Variants in KLHL14 observed in about 807,000 individuals in gnomAD.
KLHL14 encodes kelch like family member 14.
Under a neutral mutation model 64.3 loss-of-function variants are expected in KLHL14, and 22 were observed. The ratio of observed to expected loss-of-function variants is 0.34; its 90% CI spans 0.24 to 0.49. The LOEUF is 0.49. KLHL14 is among the 20% of genes least tolerant of loss of function. The pLI is 0.99. For missense variants in KLHL14, 661 were observed against 789.0 expected (o/e 0.84, Z 1.94); for synonymous variants, 322 against 333.4 (o/e 0.97, Z 0.37).
At chr18:32,767,974 C>G (rs2050355432) in intron 2 of KLHL14, among the ~76,000 whole-genome samples, 1 of 152,174 alleles carries the variant, frequency 6.6e-6, no homozygotes, top group South Asian at 2.1e-4. Context: ...ATGAAGTATA[C>G]TTGTAGGTCA....
chr18:32,693,965 GT>G (rs976860784), intron 4 of KLHL14, among the ~76,000 whole-genome samples: 76 of 150,090 alleles, frequency 5.1e-4, no homozygotes, highest in African/African-American at 1.9e-3. Flanking sequence ...AGTTACAGGT[GT>G]TTTTTTGTTT....
intron 4 of KLHL14, among the ~76,000 whole-genome samples, chr18:32,693,281 C>T (rs1163452730): frequency 6.6e-6 from 1 of 151,832 alleles, no homozygotes; most frequent in Non-Finnish European, 1.5e-5. Flanking sequence ...CTCCTTTGCC[C>T]AGATCTATAC....
intron 2 of KLHL14, among the ~76,000 whole-genome samples, chr18:32,768,235 T>C (rs2050356939): frequency 6.6e-6 from 1 of 152,206 alleles, no homozygotes; most frequent in African/African-American, 2.4e-5. Flanking sequence ...CTCCCACAGA[T>C]GTTAGAAAAA....
Position 32,770,523 on chromosome 18 carries a change from G to A in KLHL14, c.69C>T (p.Leu23=), listed in dbSNP as rs1407620965. The A allele has an allele frequency of 6.2e-7, 1 of 1,606,304 alleles. No homozygotes were observed. The highest frequency in any genetic ancestry group is 8.5e-7 in the Non-Finnish European group (1 of 1,178,424). ...ACAGCTGCTTCCTCCACAGCAGGTT[G>A]AGGCCGTGCAGCAGGTTGTCGCTGT... ...PSHSDNLLHG[L]NLLWRKQLFC... Residue 23 remains leucine (L), a synonymous_variant, in exon 2 of 9, where the codon CTC becomes CTT. Transcript: ENST00000359358. The surrounding 1 kb of genome is among the most constrained non-coding windows in gnomAD (Gnocchi z 6.7).
In KLHL14 at chr18:32,769,689, G is replaced by GT. The variant is rs1568087228; in HGVS notation, c.902dup (p.His301GlnfsTer20). On this transcript the variant is annotated frameshift_variant, in exon 2 of 9. Transcript: ENST00000359358. LOFTEE classifies it high-confidence loss of function. ...TGCAGTGCTGCCTGAAGGGCATCAG[G>GT]TGGTAGTTCATGGCGTCCAGCAGCA... The GT allele has an allele frequency of 6.4e-7, 1 of 1,565,180 alleles. No individual in the cohort carries two copies. Among genetic ancestry groups the GT allele is most frequent in the Admixed American group, 1.8e-5 (1 of 56,916 alleles).
intron 4 of KLHL14, among the ~76,000 whole-genome samples, chr18:32,693,413 C>CACACACACACACACAGAG (rs1229737083): frequency 6.5e-4 from 63 of 97,032 alleles, no homozygotes; most frequent in African/African-American, 3.0e-3. Context: ...CACACACACA[C>CACACACACACACACAGAG]AGAGAGAGAG....
At chr18:32,715,891 G>C (rs968320856) in intron 3 of KLHL14, among the ~76,000 whole-genome samples, 3 of 152,134 alleles carry the variant, frequency 2.0e-5, no homozygotes, top group Non-Finnish European at 2.9e-5. Flanking sequence ...CCCTTGAGCT[G>C]AGAAGAGCTG....
intron 2 of KLHL14, among the ~76,000 whole-genome samples, chr18:32,748,346 T>TTTTTGTA (rs575684604): frequency 6.8e-6 from 1 of 147,960 alleles, no homozygotes; most frequent in African/African-American, 2.5e-5. Flanking sequence ...GTATTTTGTA[T>TTTTTGTA]TTTTGTATTT....
chr18:32,749,266 A>T (rs1203366180), intron 2 of KLHL14, among the ~76,000 whole-genome samples: 2 of 152,240 alleles, frequency 1.3e-5, no homozygotes, highest in East Asian at 3.8e-4. Flanking sequence ...GTTTTGAAGT[A>T]GCAAAGCGAT....
chr18:32,747,120 G>A (rs1192171889), intron 2 of KLHL14, among the ~76,000 whole-genome samples: 4 of 152,142 alleles, frequency 2.6e-5, no homozygotes, highest in African/African-American at 4.8e-5. Flanking sequence ...GTTAAAAGTT[G>A]TTGTACAGTT....
intron 5 of KLHL14, among the ~76,000 whole-genome samples, chr18:32,686,830 A>G (rs1461908924): frequency 2.6e-5 from 4 of 152,178 alleles, no homozygotes; most frequent in African/African-American, 7.2e-5. Flanking sequence ...TTATATTTCA[A>G]TTTTAGGGTT....
At chr18:32,693,993 G>GTT (rs71177867) in intron 4 of KLHL14, among the ~76,000 whole-genome samples, 25 of 151,690 alleles carry the variant, frequency 1.6e-4, no homozygotes, top group African/African-American at 4.1e-4. Flanking sequence ...GTTTTGTTTT[G>GTT]TTTTTTTGCA....
At chr18:32,713,095 TC>T (rs1279237564) in intron 3 of KLHL14, among the ~76,000 whole-genome samples, 3 of 152,184 alleles carry the variant, frequency 2.0e-5, no homozygotes, top group Non-Finnish European at 2.9e-5. Flanking sequence ...ACATGGCCAC[TC>T]CCAACAGTTT....
intron 3 of KLHL14, among the ~76,000 whole-genome samples, chr18:32,711,436 A>G (rs1409489903): frequency 2.6e-5 from 4 of 152,176 alleles, no homozygotes; most frequent in African/African-American, 9.7e-5. Context: ...ATACAAATCT[A>G]TTCAATGGTA....
intron 2 of KLHL14, among the ~76,000 whole-genome samples, chr18:32,763,478 G>A (rs2050325051): frequency 6.6e-6 from 1 of 152,134 alleles, no homozygotes. Flanking sequence ...TATTTCCCTG[G>A]TGATAAGGAC....
At chr18:32,750,061 C>T (rs2050243682) in intron 2 of KLHL14, among the ~76,000 whole-genome samples, 1 of 151,310 alleles carries the variant, frequency 6.6e-6, no homozygotes. Context: ...GGAGAGCACA[C>T]GTGTGTGCTC....
At chr18:32,700,023 T>C (rs1275328365) in intron 3 of KLHL14, among the ~76,000 whole-genome samples, 1 of 151,926 alleles carries the variant, frequency 6.6e-6, no homozygotes, top group Non-Finnish European at 1.5e-5. Flanking sequence ...GCCTATAAAA[T>C]GTCCAGGGGT....
Position 32,770,484 on chromosome 18 carries a change from G to T in KLHL14, c.108C>A (p.Thr36=). Residue 36 remains threonine (T), a synonymous_variant, in exon 2 of 9, where the codon ACC becomes ACA. Transcript: ENST00000359358. This position sits in a 1 kb window ranked among gnomAD's most constrained non-coding sequence, Gnocchi z 6.7. ...LWRKQLFCDV[T]LTAQGQQFHC... is the part of the protein sequence containing the mutation. ...GGAACTGCTGGCCCTGGGCCGTCAG[G>T]GTCACGTCGCAAAACAGCTGCTTCC... is the stretch of plus-strand genomic sequence containing the variant. 3.7e-6 allele frequency: 6 copies of T among 1,612,252 alleles called. No individual in the cohort carries two copies. The highest frequency in any genetic ancestry group is 5.1e-6 in the Non-Finnish European group (6 of 1,179,892).
chr18:32,714,898 T>C lies in KLHL14; in HGVS notation c.1070-19346A>G, dbSNP rs2050037543. ...AAACTCTGGTGGTCCTTTTTTTTTTTTCTTTTGATGCAGATTACACTGAGT... is the reference window on the plus strand; with the variant it reads ...AAACTCTGGTGGTCCTTTTTTTTTTCTCTTTTGATGCAGATTACACTGAGT... On this transcript the variant is annotated intron_variant, in intron 3 of 8. Coordinates refer to ENST00000359358, the MANE Select transcript of KLHL14 (RefSeq NM_020805.3). Among the ~76,000 whole-genome samples the C allele has an allele frequency of 2.6e-5, 4 of 152,040 alleles. No individual in the cohort carries two copies. In the South Asian group the frequency reaches 8.3e-4, roughly 32 times the overall value.
Sources: gnomAD v4.1 joint callset for allele counts (sites outside exome capture counted in the v4.1 genomes callset) on GRCh38, gnomAD v4.1.1 for gene constraint, Gnocchi (gnomAD v3.1) non-coding constraint, MANE v1.5 for transcripts, NCBI Gene and HGNC (gene_info 2026-07-23, HGNC 2026-07-21) for gene names.